The following COL19A1 variants were observed in gnomAD, a reference collection of about 807,000 sequenced individuals.
COL19A1 encodes the protein collagen alpha-1(XIX) chain.
COL19A1 carries 159 observed loss-of-function variants against 190.2 expected under a neutral mutation model. That is an observed-to-expected ratio of 0.84 (90% CI 0.73 to 0.95). The LOEUF (loss-of-function observed/expected upper bound fraction) is 0.95. COL19A1 is among the 40% of genes least tolerant of loss of function. The pLI, the probability that COL19A1 is intolerant of heterozygous loss-of-function variation, is 0.00. For synonymous variants in COL19A1, 509 were observed against 458.9 expected, an observed-to-expected ratio of 1.11 and a Z score of -1.39; for missense variants, 1,418 against 1,431.9, an observed-to-expected ratio of 0.99 and a Z score of 0.16.
chr6:69,871,854 G>T (rs577288578), intron 1 of COL19A1, among the ~76,000 whole-genome samples: 1 of 123,338 alleles, frequency 8.1e-6, no homozygotes, highest in Non-Finnish European at 1.6e-5. Flanking sequence ...TTGCTCTGTC[G>T]CCCAGGCTGG....
intron 49 of COL19A1, among the ~76,000 whole-genome samples, chr6:70,203,509 G>A (rs1562268382): frequency 6.6e-6 from 1 of 152,134 alleles, no homozygotes; most frequent in African/African-American, 2.4e-5. Context: ...ATCAATTGGT[G>A]GAGTAGAACC....
intron 15 of COL19A1, among the ~76,000 whole-genome samples, chr6:70,077,631 T>C (rs1781955506): frequency 6.6e-6 from 1 of 152,170 alleles, no homozygotes; most frequent in African/African-American, 2.4e-5. Flanking sequence ...TATTATGGTG[T>C]CATTTTTGGC....
At position 70,068,495 on chromosome 6, in the gene COL19A1, A is replaced by G; in HGVS notation, c.1224+19A>G. ...TCAGAGGGTAAGTAAAGCTGGAACAACTGGTGGGCATTACTAACTTAGGGG... is the reference window on the plus strand; with the variant it reads ...TCAGAGGGTAAGTAAAGCTGGAACAGCTGGTGGGCATTACTAACTTAGGGG... On this transcript the variant is annotated intron_variant, in intron 15 of 50. Transcript: ENST00000620364. 6 of 1,524,774 alleles carry G rather than the reference A, an allele frequency of 3.9e-6. No individual in the cohort carries two copies. The highest frequency in any genetic ancestry group is 5.4e-6 in the Non-Finnish European group (6 of 1,105,892). The allele number at this position is 1,524,774 out of a possible 1,614,324, so 94.5% of individuals were successfully genotyped here.
intron 4 of COL19A1, among the ~76,000 whole-genome samples, chr6:69,908,009 A>G (rs533555538): frequency 2.2e-4 from 33 of 152,160 alleles, no homozygotes; most frequent in Non-Finnish European, 4.4e-4. Flanking sequence ...ATTGCCTTCT[A>G]TTGTTCAAGC....
Position 70,211,380 on chromosome 6 carries a change from G to T in COL19A1, c.*4106G>T, listed in dbSNP as rs1768198700. Among the ~76,000 whole-genome samples, 1 of 151,626 alleles carries T rather than the reference G, an allele frequency of 6.6e-6. No individual in the cohort carries two copies. The highest frequency in any genetic ancestry group is 1.5e-5 in the Non-Finnish European group (1 of 67,880). ...TGTTCTTAAATTATTTTTCATACTT[G>T]TCTGTATCCACCTTCTGAAGACACA... is the stretch of plus-strand genomic sequence containing the variant. On this transcript the variant is annotated 3_prime_UTR_variant, in exon 51 of 51. Coordinates refer to ENST00000620364, the MANE Select transcript of COL19A1 (RefSeq NM_001858.6).
chr6:70,132,848 G>A (rs1025516190), intron 18 of COL19A1, among the ~76,000 whole-genome samples: 12 of 152,300 alleles, frequency 7.9e-5, no homozygotes, highest in Middle Eastern at 3.4e-3. Flanking sequence ...ACCTTGGGAA[G>A]GCCACTTCAT....
At chr6:69,995,873 T>G (rs6935585) in intron 11 of COL19A1, among the ~76,000 whole-genome samples, 32,199 of 152,088 alleles carry the variant, frequency 0.21, 5,612 homozygotes, top group African/African-American at 0.47. Context: ...CTTGGAGAAA[T>G]AACTTAATTA....
chr6:70,117,136 G>A (rs763525140), intron 16 of COL19A1, among the ~76,000 whole-genome samples: 5 of 152,164 alleles, frequency 3.3e-5, no homozygotes, highest in Non-Finnish European at 7.4e-5. Context: ...GATTCACAAT[G>A]TGCAGAGTGT....
intron 31 of COL19A1, among the ~76,000 whole-genome samples, chr6:70,154,654 G>A (rs1583041739): frequency 1.3e-5 from 2 of 152,294 alleles, no homozygotes; most frequent in East Asian, 3.9e-4. Context: ...AAGTCGAAGA[G>A]CAAGGAAGCC....
chr6:69,871,716 T>C (rs1023986889), intron 1 of COL19A1, among the ~76,000 whole-genome samples: 2 of 152,046 alleles, frequency 1.3e-5, no homozygotes, highest in Non-Finnish European at 2.9e-5. Flanking sequence ...GGCTTAACAG[T>C]AAAAATGTTA....
At chr6:69,943,618 G>A (rs1773610386) in intron 9 of COL19A1, among the ~76,000 whole-genome samples, 1 of 151,994 alleles carries the variant, frequency 6.6e-6, no homozygotes, top group Admixed American at 6.6e-5. Context: ...TTATTCTTTT[G>A]AATATAGTTT....
At chr6:70,104,790 G>T (rs1336605970) in intron 16 of COL19A1, among the ~76,000 whole-genome samples, 1 of 152,150 alleles carries the variant, frequency 6.6e-6, no homozygotes, top group Non-Finnish European at 1.5e-5. Context: ...TTTAAGACAG[G>T]CTAATTGTTG....
At chr6:69,991,658 A>G (rs895889851) in intron 11 of COL19A1, among the ~76,000 whole-genome samples, 1 of 152,028 alleles carries the variant, frequency 6.6e-6, no homozygotes. Context: ...GCATTTTTTA[A>G]TATGCTTGTT....
chr6:70,023,131 C>CTTTTTT (rs1419955153), intron 11 of COL19A1, among the ~76,000 whole-genome samples: 2 of 142,230 alleles, frequency 1.4e-5, no homozygotes, highest in Non-Finnish European at 1.5e-5. Context: ...TTTTATGCAG[C>CTTTTTT]TATTTTTTTT....
chr6:70,055,571 C>G lies in COL19A1; in HGVS notation c.1171-12852C>G, dbSNP rs577497701. On this transcript the variant is annotated intron_variant, in intron 14 of 50. Coordinates refer to ENST00000620364, the MANE Select transcript of COL19A1 (RefSeq NM_001858.6). ...CTGAGGTGGGTGGAACACCTGAGAT[C>G]AGGAGTTCAGGACCAACCTGGCCAA... 2.0e-5 allele frequency among the ~76,000 whole-genome samples: 3 copies of G among 152,060 alleles called. No individual in the cohort carries two copies. In the South Asian group the frequency reaches 6.2e-4, roughly 32 times the overall value.
intron 17 of COL19A1, among the ~76,000 whole-genome samples, chr6:70,129,940 C>T (rs1785419854): frequency 6.6e-6 from 1 of 152,154 alleles, no homozygotes; most frequent in African/African-American, 2.4e-5. Flanking sequence ...TCTCCAGAAG[C>T]AATCTCCTTA....
intron 4 of COL19A1, among the ~76,000 whole-genome samples, chr6:69,921,108 T>TAGAC (rs1466043841): frequency 1.0e-4 from 11 of 107,370 alleles, no homozygotes; most frequent in African/African-American, 3.8e-4. Flanking sequence ...CATATATTCA[T>TAGAC]ATACATATAT....
chr6:70,179,249 C>T (rs1766016096), intron 42 of COL19A1, among the ~76,000 whole-genome samples: 1 of 152,164 alleles, frequency 6.6e-6, no homozygotes, highest in Non-Finnish European at 1.5e-5. Flanking sequence ...GAAAAAAGCC[C>T]ATTTCTTTTC....
At chr6:69,958,066 T>C (rs1774537809) in intron 9 of COL19A1, among the ~76,000 whole-genome samples, 1 of 152,144 alleles carries the variant, frequency 6.6e-6, no homozygotes, top group Non-Finnish European at 1.5e-5. Context: ...TAAAGACATA[T>C]TCTCAATATC....
Sources: gnomAD v4.1 joint callset for allele counts (sites outside exome capture counted in the v4.1 genomes callset) on GRCh38, gnomAD v4.1.1 for gene constraint, MANE v1.5 for transcripts, NCBI Gene and HGNC (gene_info 2026-07-23, HGNC 2026-07-21) for gene names.